LOXHD1: variants seen among roughly 807,000 people sequenced by gnomAD.
The protein encoded by LOXHD1 is lipoxygenase homology domain-containing protein 1.
LOXHD1 carries 205 observed loss-of-function variants against 248.2 expected under a neutral mutation model. The ratio of observed to expected loss-of-function variants is 0.83; its 90% confidence interval spans 0.74 to 0.93. The LOEUF (loss-of-function observed/expected upper bound fraction) is 0.93. Ranked by LOEUF, LOXHD1 falls within the 40% of genes least tolerant of loss-of-function variation. LOXHD1 has a pLI of 0.00. For synonymous variants in LOXHD1, 1,113 were observed against 1,162.8 expected (o/e 0.96, Z 0.87); for missense variants, 2,930 against 2,971.6 (o/e 0.99, Z 0.33).
intron 40 of LOXHD1, among the ~76,000 whole-genome samples, chr18:46,480,592 C>T (rs966312180): frequency 9.9e-5 from 15 of 152,214 alleles, no homozygotes; most frequent in African/African-American, 3.6e-4. Flanking sequence ...TGCAGACTTA[C>T]ACAAAGCTCT....
intron 1 of LOXHD1, among the ~76,000 whole-genome samples, chr18:46,650,291 A>T (rs2039092418): frequency 6.6e-6 from 1 of 152,234 alleles, no homozygotes; most frequent in African/African-American, 2.4e-5. Context: ...GTAGGCTGAG[A>T]AAATAATAAT....
In LOXHD1 at chr18:46,529,230, C is replaced by G. The variant is rs1166673793; in HGVS notation, c.4477G>C (p.Glu1493Gln). 1 of 1,551,640 alleles carries G rather than the reference C, an allele frequency of 6.4e-7. No individual in the cohort carries two copies. Among genetic ancestry groups the G allele is most frequent in the African/African-American group, 1.4e-5 (1 of 73,148 alleles). ...TIYGDLGDTGERYLGKSENRT... is the reference protein window; with the variant it reads ...TIYGDLGDTGQRYLGKSENRT... ...TTCTCTGACTTGCCAAGGTATCGCT[C>G]CCCAGTGTCCCCGAGGTCTCCATAG... Residue 1493 changes from glutamate (E) to glutamine (Q), a missense_variant, in exon 29 of 41, where the codon GAG (glutamate) becomes CAG (glutamine). Physicochemically the swap from Glu to Gln is conservative, Grantham distance 29. Transcript: ENST00000642948.
intron 31 of LOXHD1, among the ~76,000 whole-genome samples, chr18:46,523,585 CG>C (rs1568134941): frequency 6.6e-6 from 1 of 152,110 alleles, no homozygotes; most frequent in African/African-American, 2.4e-5. Flanking sequence ...AACCCTTCTC[CG>C]GGTTCATCTT....
intron 33 of LOXHD1, chr18:46,518,781 G>T: frequency 1.4e-6 from 1 of 734,986 alleles, no homozygotes; most frequent in Non-Finnish European, 1.7e-6. Context: ...GCAGCCCCAA[G>T]CAGCAGCCAA....
chr18:46,524,108 A>ATTTGGG (rs1282029316), intron 31 of LOXHD1, among the ~76,000 whole-genome samples: 7 of 152,312 alleles, frequency 4.6e-5, no homozygotes, highest in African/African-American at 1.7e-4. Flanking sequence ...ATGGAACTTC[A>ATTTGGG]GTCCCCAAAT....
chr18:46,482,536 A>G (rs2143511383), intron 40 of LOXHD1, among the ~76,000 whole-genome samples: 1 of 152,118 alleles, frequency 6.6e-6, no homozygotes, highest in South Asian at 2.1e-4. Flanking sequence ...TAAGCCACCC[A>G]CTCTCTGATA....
Position 46,524,509 on chromosome 18 carries a change from G to C in LOXHD1, c.4833C>G (p.Ser1611Arg). 13 of 1,551,726 alleles carry C rather than the reference G, an allele frequency of 8.4e-6. No homozygotes were observed. Among genetic ancestry groups the C allele is most frequent in the Non-Finnish European group, 1.1e-5 (13 of 1,147,012 alleles). ...LSSKMADVDI[S>R]TVTGPMADYV... ...AGTCAGCCATGGGCCCGGTCACTGT[G>C]CTGATGTCGACATCGGCCATCTTGG... Residue 1611 changes from serine (S) to arginine (R), a missense_variant, in exon 31 of 41, where the codon AGC becomes AGG. Ser to Arg is a moderately radical substitution (Grantham distance 110). Coordinates refer to ENST00000642948, the MANE Select transcript of LOXHD1 (RefSeq NM_001384474.1).
chr18:46,652,780 C>T (rs1328013325), intron 1 of LOXHD1, among the ~76,000 whole-genome samples: 1 of 152,156 alleles, frequency 6.6e-6, no homozygotes, highest in Non-Finnish European at 1.5e-5. Context: ...AGAAATAACC[C>T]AGATGTTCAT....
chr18:46,583,998 G>A (rs1021345629), intron 12 of LOXHD1, among the ~76,000 whole-genome samples: 2 of 152,088 alleles, frequency 1.3e-5, no homozygotes, highest in African/African-American at 4.8e-5. Context: ...CATACACAAT[G>A]CAATACGATT....
intron 8 of LOXHD1, among the ~76,000 whole-genome samples, chr18:46,600,472 C>T (rs2038317335): frequency 6.6e-6 from 1 of 152,074 alleles, no homozygotes; most frequent in Non-Finnish European, 1.5e-5. Context: ...GTGGTGCATG[C>T]CTGTAATCCC....
chr18:46,481,514 C>A (rs1228621056), intron 40 of LOXHD1, among the ~76,000 whole-genome samples: 1 of 152,194 alleles, frequency 6.6e-6, no homozygotes, highest in Non-Finnish European at 1.5e-5. Flanking sequence ...TATAGAGCAT[C>A]CAGCTCTCCT....
intron 21 of LOXHD1, among the ~76,000 whole-genome samples, chr18:46,550,202 T>C (rs1293266917): frequency 6.6e-6 from 1 of 152,202 alleles, no homozygotes; most frequent in Non-Finnish European, 1.5e-5. Flanking sequence ...GCTCATAGCT[T>C]TGGATGCTGA....
At chr18:46,492,912 A>C (rs548702081) in intron 37 of LOXHD1, among the ~76,000 whole-genome samples, 19 of 152,336 alleles carry the variant, frequency 1.2e-4, no homozygotes, top group African/African-American at 4.3e-4. Context: ...ACAATGCTAT[A>C]ATATCCTTCC....
chr18:46,622,817 G>A (rs970760748), intron 4 of LOXHD1, among the ~76,000 whole-genome samples: 4 of 152,202 alleles, frequency 2.6e-5, no homozygotes, highest in Non-Finnish European at 5.9e-5. Flanking sequence ...CGTGGTCTGG[G>A]GTTTCCTAAA....
chr18:46,646,729 G>A (rs1004113785), intron 2 of LOXHD1, among the ~76,000 whole-genome samples: 2 of 152,296 alleles, frequency 1.3e-5, no homozygotes, highest in East Asian at 3.9e-4. Context: ...TCAGTCTAAA[G>A]GACCCTCTTT....
chr18:46,482,325 G>A (rs2032647278), intron 40 of LOXHD1, among the ~76,000 whole-genome samples: 1 of 152,134 alleles, frequency 6.6e-6, no homozygotes, highest in Non-Finnish European at 1.5e-5. Context: ...AGGTCATGAG[G>A]GTGGGGCCCT....
intron 25 of LOXHD1, 125 bp from the exon 26 acceptor site, chr18:46,538,462 G>A (rs1464320478): frequency 1.0e-6 from 1 of 960,402 alleles, no homozygotes; most frequent in Non-Finnish European, 1.6e-6. Flanking sequence ...GCTGCCCGGG[G>A]AACTGCTGCT....
chr18:46,558,154 A>G, intron 20 of LOXHD1: 2 of 700,728 alleles, frequency 2.9e-6, no homozygotes, highest in Non-Finnish European at 3.5e-6. Flanking sequence ...AGTATGATGA[A>G]AGTTCATATG....
chr18:46,578,688 G>T (rs1239631573), intron 13 of LOXHD1, among the ~76,000 whole-genome samples: 1 of 152,216 alleles, frequency 6.6e-6, no homozygotes, highest in Non-Finnish European at 1.5e-5. Context: ...GAAGGAGATA[G>T]AGCAGTTGTC....
Sources: gnomAD v4.1 joint callset for allele counts (sites outside exome capture counted in the v4.1 genomes callset) on GRCh38, gnomAD v4.1.1 for gene constraint, MANE v1.5 for transcripts, NCBI Gene and HGNC (gene_info 2026-07-23, HGNC 2026-07-21) for gene names.